The following ANO3 variants were observed in gnomAD, a reference collection of about 807,000 sequenced individuals.
ANO3 encodes anoctamin 3.
ANO3 carries 99 observed loss-of-function variants against 144.8 expected under a neutral mutation model. The ratio of observed to expected loss-of-function variants is 0.68; its 90% CI spans 0.58 to 0.81. The LOEUF (loss-of-function observed/expected upper bound fraction) is 0.81, where lower values mean the gene tolerates loss of function less well. ANO3 is among the 30% of genes least tolerant of loss of function. The pLI is 0.00. For missense variants in ANO3, 905 were observed against 1,202.2 expected (o/e 0.75, Z 3.66); for synonymous variants, 414 against 392.6 (o/e 1.05, Z -0.64).
chr11:26,527,951 C>T (rs547093994), intron 7 of ANO3, among the ~76,000 whole-genome samples: 33 of 152,288 alleles, frequency 2.2e-4, no homozygotes, highest in Non-Finnish European at 4.9e-4. Context: ...GTGCTTCAGT[C>T]AAGTTCCTTT....
At chr11:26,233,518 G>A (rs1310885712) in intron 1 of ANO3, among the ~76,000 whole-genome samples, 1 of 152,178 alleles carries the variant, frequency 6.6e-6, no homozygotes, top group Non-Finnish European at 1.5e-5. Flanking sequence ...TTCAACCATT[G>A]TGGAAGACAG....
chr11:26,319,640 T>C (rs1012918100), intron 1 of ANO3, among the ~76,000 whole-genome samples: 1 of 152,206 alleles, frequency 6.6e-6, no homozygotes, highest in Non-Finnish European at 1.5e-5. Flanking sequence ...TATGATAAAA[T>C]GCCTTTGTTA....
intron 12 of ANO3, among the ~76,000 whole-genome samples, chr11:26,549,281 TTC>T (rs1810745390): frequency 6.6e-6 from 1 of 152,030 alleles, no homozygotes; most frequent in Non-Finnish European, 1.5e-5. Context: ...TTACTCCCAC[TTC>T]TGTCACACTA....
At chr11:26,585,340 A>G (rs1851245963) in intron 14 of ANO3, among the ~76,000 whole-genome samples, 1 of 152,210 alleles carries the variant, frequency 6.6e-6, no homozygotes. Flanking sequence ...ACCTATATAT[A>G]TAAGCCTTCC....
intron 1 of ANO3, among the ~76,000 whole-genome samples, chr11:26,206,034 C>T (rs1033634059): frequency 1.3e-5 from 2 of 152,122 alleles, no homozygotes; most frequent in Non-Finnish European, 2.9e-5. Flanking sequence ...TAGAAGCTTA[C>T]AAATATGCTA....
intron 1 of ANO3, among the ~76,000 whole-genome samples, chr11:26,350,337 T>A (rs1449329100): frequency 1.3e-5 from 2 of 152,154 alleles, no homozygotes; most frequent in Admixed American, 1.3e-4. Flanking sequence ...CTCTAGCTAT[T>A]CACCAAGTCT....
chr11:26,437,547 GAATCTC>G (rs529953287), intron 1 of ANO3, among the ~76,000 whole-genome samples: 69 of 152,282 alleles, frequency 4.5e-4, no homozygotes, highest in African/African-American at 1.5e-3. Flanking sequence ...TTTTCTTGAT[GAATCTC>G]AATGCACGTA....
intron 1 of ANO3, among the ~76,000 whole-genome samples, chr11:26,433,704 T>C (rs75968814): frequency 0.013 from 1,959 of 152,322 alleles, 44 homozygotes; most frequent in African/African-American, 0.045. Context: ...GAGTCTTATT[T>C]ATTGATTTGC....
chr11:26,269,172 C>T (rs537624466), intron 1 of ANO3, among the ~76,000 whole-genome samples: 1 of 152,270 alleles, frequency 6.6e-6, no homozygotes, highest in South Asian at 2.1e-4. Flanking sequence ...ACTCAGCTCC[C>T]TCCACCCTCC....
chr11:26,645,576 A>G (rs1179221982), intron 23 of ANO3, among the ~76,000 whole-genome samples: 2 of 152,170 alleles, frequency 1.3e-5, no homozygotes, highest in Non-Finnish European at 2.9e-5. Flanking sequence ...ACTGAATACA[A>G]TGCAATTTGA....
At position 26,661,230 on chromosome 11, in the gene ANO3, T is replaced by C. The variant is rs1221139872; in HGVS notation, c.*786T>C. 6.6e-6 allele frequency: 1 copy of C among 152,624 alleles called. No individual in the cohort carries two copies. The highest frequency in any genetic ancestry group is 1.5e-5 in the Non-Finnish European group (1 of 68,036). The allele number at this position is 152,624 out of a possible 1,614,324, so 9.5% of individuals were successfully genotyped here. On this transcript the variant is annotated 3_prime_UTR_variant, in exon 27 of 27. Transcript: ENST00000256737. Reference sequence around the variant, plus strand: ...ACTTATAAACTATGAATGGCTATTCTTATATAGTTTAGAACACAACTAATC... The same window carrying C: ...ACTTATAAACTATGAATGGCTATTCCTATATAGTTTAGAACACAACTAATC...
At position 26,656,428 on chromosome 11, in the gene ANO3, T is replaced by C; in HGVS notation, c.2710T>C (p.Leu904=). Residue 904 remains leucine (L), a synonymous_variant, in exon 26 of 27, where the codon TTA becomes CTA. Transcript: ENST00000256737. ...GAGTTCCAAACCCTATGAGTTTACT[T>C]TACAATACTGGCATATCCTTGCTGC... ...PWSSKPYEFT[L]QYWHILAARL... is the part of the protein sequence containing the mutation. 1 of 1,612,824 alleles carries C rather than the reference T, an allele frequency of 6.2e-7. No homozygotes were observed. Among genetic ancestry groups the C allele is most frequent in the Non-Finnish European group, 8.5e-7 (1 of 1,178,868 alleles).
chr11:26,598,780 A>G, intron 15 of ANO3, 78 bp from the exon 16 acceptor site: 1 of 1,432,786 alleles, frequency 7.0e-7, no homozygotes, highest in Non-Finnish European at 9.4e-7. Flanking sequence ...CAAATTTAGG[A>G]GTATCGTATC....
At chr11:26,590,083 G>A (rs1043675218) in intron 14 of ANO3, among the ~76,000 whole-genome samples, 4 of 152,152 alleles carry the variant, frequency 2.6e-5, no homozygotes, top group African/African-American at 4.8e-5. Context: ...CCCTCTAAGA[G>A]AATAGATGAT....
chr11:26,367,650 T>C (rs1034732184), intron 1 of ANO3, among the ~76,000 whole-genome samples: 25 of 152,196 alleles, frequency 1.6e-4, no homozygotes, highest in African/African-American at 5.3e-4. Flanking sequence ...TATTTCTACA[T>C]AGAAATACTT....
At chr11:26,375,711 A>G (rs1161797941) in intron 1 of ANO3, among the ~76,000 whole-genome samples, 1 of 152,208 alleles carries the variant, frequency 6.6e-6, no homozygotes, top group African/African-American at 2.4e-5. Context: ...GAGCCAAGAT[A>G]TATATGCATG....
intron 17 of ANO3, among the ~76,000 whole-genome samples, chr11:26,622,123 G>T (rs369782289): frequency 1.1e-4 from 17 of 152,166 alleles, no homozygotes; most frequent in East Asian, 5.8e-4. Flanking sequence ...GATGTTGCCA[G>T]TCAGCCATAG....
intron 9 of ANO3, among the ~76,000 whole-genome samples, chr11:26,534,901 C>T (rs1268751962): frequency 6.6e-6 from 1 of 152,030 alleles, no homozygotes; most frequent in Non-Finnish European, 1.5e-5. Flanking sequence ...AATAGAATTA[C>T]CTGGAAATAC....
rs1234855291 is a variant in ANO3 at position 26,293,530 on chromosome 11, CATGTATATATATATATATATATAT to C, written c.155-16112_155-16089del. Reference sequence around the variant, plus strand: ...CAGTCTAGAGTGGGTCTATAAATTCCATGTATATATATATATATATATATATATATATATATATATATATATTCC... The same window carrying C: ...CAGTCTAGAGTGGGTCTATAAATTCCATATATATATATATATATATATTCC... On this transcript the variant is annotated intron_variant, in intron 1 of 27. Coordinates refer to the ANO3 transcript ENST00000672621. Among the ~76,000 whole-genome samples, 57 of 62,428 alleles carry C rather than the reference CATGTATATATATATATATATATAT, an allele frequency of 9.1e-4. 1 individual carries two copies. The highest frequency in any genetic ancestry group is 7.0e-3 in the South Asian group (12 of 1,704). 41.0% of individuals were successfully genotyped at this position (62,428 alleles called of 152,430 possible).
Sources: gnomAD v4.1 joint callset for allele counts (sites outside exome capture counted in the v4.1 genomes callset) on GRCh38, gnomAD v4.1.1 for gene constraint, MANE v1.5 for transcripts, NCBI Gene and HGNC (gene_info 2026-07-23, HGNC 2026-07-21) for gene names.